The following KIAA2012 variants were observed in gnomAD, a reference collection of about 807,000 sequenced individuals.
KIAA2012 encodes the protein KIAA2012, also known as uncharacterized protein KIAA2012.
In KIAA2012, 125 loss-of-function variants were observed where a neutral mutation model predicts 150.6. The observed-to-expected ratio is 0.83, with a 90% CI of 0.72 to 0.96. KIAA2012 has a LOEUF of 0.96. Among genes scored for constraint, KIAA2012 ranks in the 40% least tolerant of loss-of-function variants. KIAA2012 has a pLI of 0.00. For missense variants in KIAA2012, 1,219 were observed against 1,354.9 expected (o/e 0.90, Z 1.57); for synonymous variants, 462 against 504.7 (o/e 0.92, Z 1.13).
chr2:202,184,692 C>G, intron 15 of KIAA2012, 61 bp from the exon 16 acceptor site: 1 of 1,205,650 alleles, frequency 8.3e-7, no homozygotes, highest in Non-Finnish European at 1.1e-6. Context: ...TTTTCCATGT[C>G]TGATCTCCTC....
intron 2 of KIAA2012, among the ~76,000 whole-genome samples, chr2:202,086,166 T>G (rs1247590331): frequency 1.2e-4 from 1 of 8,578 alleles, no homozygotes; most frequent in Non-Finnish European, 2.7e-4. Flanking sequence ...AAACTCTGTC[T>G]CAAAAAAAAA....
At chr2:202,090,138 C>G (rs537085218) in intron 2 of KIAA2012, among the ~76,000 whole-genome samples, 1 of 152,310 alleles carries the variant, frequency 6.6e-6, no homozygotes, top group African/African-American at 2.4e-5. Flanking sequence ...ACTCAGTCCA[C>G]CTTATAGGAT....
At chr2:202,079,074 G>A (rs911185492) in intron 2 of KIAA2012, among the ~76,000 whole-genome samples, 1 of 152,118 alleles carries the variant, frequency 6.6e-6, no homozygotes, top group Non-Finnish European at 1.5e-5. Context: ...ATGCACGCCT[G>A]TAATCCCAGC....
At chr2:202,132,764 A>ATAGTATATATG (rs1559215475) in intron 12 of KIAA2012, among the ~76,000 whole-genome samples, 3 of 110,796 alleles carry the variant, frequency 2.7e-5, no homozygotes, top group East Asian at 2.3e-4. Context: ...ATGTATATAT[A>ATAGTATATATG]TACATATATA....
At chr2:202,120,276 T>C (rs2105933989) in intron 11 of KIAA2012, among the ~76,000 whole-genome samples, 1 of 152,286 alleles carries the variant, frequency 6.6e-6, no homozygotes, top group Non-Finnish European at 1.5e-5. Flanking sequence ...CTCCAGGGGC[T>C]GAGGTGGGAG....
At chr2:202,079,930 A>G (rs934368705) in intron 2 of KIAA2012, among the ~76,000 whole-genome samples, 4 of 152,250 alleles carry the variant, frequency 2.6e-5, no homozygotes, top group Admixed American at 2.6e-4. Flanking sequence ...AATTCAGTTC[A>G]CAGGGCATTT....
At chr2:202,195,520 TAAAAAAAAAAAGAA>T (rs1239405189) in intron 21 of KIAA2012, among the ~76,000 whole-genome samples, 7 of 141,368 alleles carry the variant, frequency 5.0e-5, no homozygotes, top group African/African-American at 1.8e-4. Flanking sequence ...AGACTCTGTC[TAAAAAAAAAAAGAA>T]AAAAGAAAAA....
At chr2:202,139,709 C>T (rs1235265620) in intron 13 of KIAA2012, among the ~76,000 whole-genome samples, 1 of 152,246 alleles carries the variant, frequency 6.6e-6, no homozygotes, top group Non-Finnish European at 1.5e-5. Context: ...CAAGGAGCTG[C>T]AGAACCAACA....
chr2:202,175,549 G>A (rs2105732789), intron 15 of KIAA2012, among the ~76,000 whole-genome samples: 1 of 152,252 alleles, frequency 6.6e-6, no homozygotes, highest in Admixed American at 6.5e-5. Context: ...TACAAAAGAG[G>A]CCCCAGAGAG....
intron 13 of KIAA2012, among the ~76,000 whole-genome samples, chr2:202,141,181 T>C (rs1214433212): frequency 6.6e-6 from 1 of 152,176 alleles, no homozygotes; most frequent in African/African-American, 2.4e-5. Flanking sequence ...CCTCAGAGGC[T>C]GTCCAAGCTG....
In KIAA2012 at chr2:202,188,147, T is replaced by G. The variant is rs760634187; in HGVS notation, c.2377-5T>G. 1.7e-5 allele frequency: 26 copies of G among 1,549,172 alleles called. 1 individual carries two copies. The South Asian group carries it at 3.0e-4, about 18-fold the overall frequency. ...TGGTCCCCTTCCTTGATTTTTCACC[T>G]TTAGGAGAGGGATTTGATTAACGAG... On this transcript the variant is annotated splice_polypyrimidine_tract_variant and splice_region_variant and intron_variant, in intron 17 of 23. Transcript: ENST00000498697.
intron 15 of KIAA2012, among the ~76,000 whole-genome samples, chr2:202,169,600 G>T (rs892035152): frequency 6.6e-6 from 1 of 152,146 alleles, no homozygotes; most frequent in Non-Finnish European, 1.5e-5. Flanking sequence ...GTACCAAGTC[G>T]TTTCATCATA....
chr2:202,114,631 C>T (rs1690466105), intron 11 of KIAA2012: 1 of 143,026 alleles, frequency 7.0e-6, no homozygotes, highest in Admixed American at 7.8e-5. Context: ...AGTTTATTGT[C>T]ACCATTGTCA....
chr2:202,185,491 C>A (rs1262307620), intron 16 of KIAA2012, among the ~76,000 whole-genome samples: 1 of 152,070 alleles, frequency 6.6e-6, no homozygotes, highest in Non-Finnish European at 1.5e-5. Flanking sequence ...TTTGTGTTCC[C>A]CAGGAATAAA....
At chr2:202,141,834 C>T (rs1351438960) in intron 13 of KIAA2012, among the ~76,000 whole-genome samples, 1 of 151,792 alleles carries the variant, frequency 6.6e-6, no homozygotes, top group African/African-American at 2.4e-5. Context: ...GTGTAGAGGC[C>T]GCAGGTTGGG....
chr2:202,174,313 C>G (rs1691951728), intron 15 of KIAA2012, among the ~76,000 whole-genome samples: 1 of 152,122 alleles, frequency 6.6e-6, no homozygotes, highest in South Asian at 2.1e-4. Context: ...TGTCCTCTAT[C>G]AGTGATTCTA....
At chr2:202,095,715 T>A (rs1689852504) in intron 4 of KIAA2012, among the ~76,000 whole-genome samples, 1 of 152,174 alleles carries the variant, frequency 6.6e-6, no homozygotes, top group Non-Finnish European at 1.5e-5. Context: ...TCACCTGGGA[T>A]ATTACCAAAG....
At chr2:202,188,118 A>G in intron 17 of KIAA2012, 34 bp from the exon 18 acceptor site, 1 of 1,503,832 alleles carries the variant, frequency 6.6e-7, no homozygotes, top group South Asian at 1.2e-5. Context: ...TCCTATACAT[A>G]TTATGGTCCC....
intron 3 of KIAA2012, 66 bp from the exon 4 acceptor site, chr2:202,092,964 G>A (rs1689764702): frequency 7.1e-7 from 1 of 1,412,822 alleles, no homozygotes; most frequent in Non-Finnish European, 9.7e-7. Context: ...GAACCTTGTA[G>A]TTACCACCAA....
Sources: allele counts gnomAD v4.1 joint callset (sites outside exome capture counted in the v4.1 genomes callset), GRCh38; gene constraint gnomAD v4.1.1; transcripts MANE v1.5; gene names NCBI Gene and HGNC (gene_info 2026-07-23, HGNC 2026-07-21).